CCR3: variants seen among roughly 807,000 people sequenced by gnomAD.
CCR3 encodes the protein C-C chemokine receptor type 3.
For synonymous variants in CCR3, 203 were observed against 179.2 expected (o/e 1.13, Z -1.06); for missense variants, 419 against 437.5 (o/e 0.96, Z 0.38).
chr3:46,244,410 T>C (rs570138346), intron 1 of CCR3, among the ~76,000 whole-genome samples: 167 of 152,334 alleles, frequency 1.1e-3, no homozygotes, highest in African/African-American at 3.8e-3. Flanking sequence ...AAACAGGCTT[T>C]GTGTGAGCAA....
intron 1 of CCR3, among the ~76,000 whole-genome samples, chr3:46,251,171 C>A (rs944199488): frequency 9.2e-5 from 14 of 152,036 alleles, no homozygotes; most frequent in East Asian, 1.9e-4. Flanking sequence ...GGTGAAGGAC[C>A]AAGGCAGGCG....
chr3:46,230,693 T>C (rs1361837000), intron 2 of CCR3, among the ~76,000 whole-genome samples: 1 of 152,126 alleles, frequency 6.6e-6, no homozygotes, highest in East Asian at 1.9e-4. Flanking sequence ...TCTGACGATG[T>C]AAATGCAGCC....
At chr3:46,246,394 G>T (rs1211940059) in intron 1 of CCR3, among the ~76,000 whole-genome samples, 2 of 152,126 alleles carry the variant, frequency 1.3e-5, no homozygotes, top group Non-Finnish European at 2.9e-5. Context: ...GGAGATAAGG[G>T]TGGGGCCGTT....
chr3:46,221,723 G>T (rs915009738), intron 2 of CCR3, among the ~76,000 whole-genome samples: 3 of 152,140 alleles, frequency 2.0e-5, no homozygotes, highest in African/African-American at 7.2e-5. Flanking sequence ...TTTTGAGCTT[G>T]CTTTCCTCCA....
rs72904166 is a variant in CCR3 at position 46,215,132 on chromosome 3, C to A, written c.-68+4225C>A. Among the ~76,000 whole-genome samples, 637 of 152,260 alleles carry A rather than the reference C, an allele frequency of 4.2e-3. 4 individuals are homozygous for A. The highest frequency in any genetic ancestry group is 0.014 in the African/African-American group (597 of 41,540). On this transcript the variant is annotated intron_variant, in intron 2 of 3. Transcript: ENST00000357422. The stretch of plus-strand genomic sequence containing the variant: ...ATGATCCTTGTACTCCAAACCTAAG[C>A]TCCAGACAGTCACATGTGTGTTCCT...
chr3:46,217,535 C>T (rs895499217), intron 2 of CCR3, among the ~76,000 whole-genome samples: 5 of 152,108 alleles, frequency 3.3e-5, no homozygotes, highest in Non-Finnish European at 7.4e-5. Flanking sequence ...GCTCATGGAA[C>T]ATTCTCCAAG....
intron 1 of CCR3, among the ~76,000 whole-genome samples, chr3:46,251,209 C>T (rs1012607552): frequency 2.6e-5 from 4 of 152,102 alleles, no homozygotes; most frequent in East Asian, 1.9e-4. Context: ...ACCCTTGAAA[C>T]GTGGGTGAAT....
intron 1 of CCR3, 69 bp from the exon 2 acceptor site, chr3:46,265,079 C>G (rs1700591641): frequency 1.0e-6 from 1 of 997,000 alleles, no homozygotes; most frequent in Admixed American, 2.3e-5. Flanking sequence ...ATGAATAAAT[C>G]AACTGGTGTG....
chr3:46,264,269 C>G, intron 1 of CCR3: 2 of 742,354 alleles, frequency 2.7e-6, no homozygotes, highest in South Asian at 3.1e-5. Flanking sequence ...CTCAGCATCA[C>G]CAGGGGCAAG....
intron 1 of CCR3, among the ~76,000 whole-genome samples, chr3:46,243,167 T>TA (rs1438881552): frequency 1.3e-5 from 2 of 151,824 alleles, no homozygotes; most frequent in African/African-American, 4.8e-5. Flanking sequence ...CAGTACCCTT[T>TA]AAATACAAGT....
chr3:46,240,166 T>C (rs933598975), upstream of CCR3, among the ~76,000 whole-genome samples: 35 of 152,264 alleles, frequency 2.3e-4, no homozygotes, highest in African/African-American at 7.0e-4. Flanking sequence ...TGCACCACAA[T>C]GGGCCTGCAA....
Position 46,265,885 on chromosome 3 carries a change from G to T in CCR3, c.727G>T (p.Val243Phe). The T allele has an allele frequency of 6.2e-7, 1 of 1,614,062 alleles. No homozygotes were observed. The highest frequency in any genetic ancestry group is 8.5e-7 in the Non-Finnish European group (1 of 1,179,978). Reference sequence around the variant, plus strand: ...GTACAAGGCCATCCGGCTCATTTTTGTCATCATGGCGGTGTTTTTCATTTT... The same window carrying T: ...GTACAAGGCCATCCGGCTCATTTTTTTCATCATGGCGGTGTTTTTCATTTT... The part of the protein sequence containing the change: ...KKYKAIRLIF[V>F]IMAVFFIFWT... Residue 243 changes from valine (V) to phenylalanine (F), a missense_variant, in exon 2 of 2, where the codon GTC becomes TTC. Val to Phe is a conservative substitution (Grantham distance 50). Coordinates refer to ENST00000395940, the MANE Select transcript of CCR3 (RefSeq NM_178329.3).
At chr3:46,248,900 C>T (rs577006849) in intron 1 of CCR3, among the ~76,000 whole-genome samples, 1 of 152,260 alleles carries the variant, frequency 6.6e-6, no homozygotes, top group East Asian at 1.9e-4. Flanking sequence ...TGATAAGGTG[C>T]AGATTCTGAA....
intron 1 of CCR3, among the ~76,000 whole-genome samples, chr3:46,260,740 G>A (rs1700510563): frequency 6.6e-6 from 1 of 152,220 alleles, no homozygotes; most frequent in South Asian, 2.1e-4. Context: ...AACACAACAT[G>A]AGGCAGAGGA....
intron 2 of CCR3, among the ~76,000 whole-genome samples, chr3:46,235,253 G>A (rs2125925772): frequency 6.6e-6 from 1 of 152,276 alleles, no homozygotes; most frequent in African/African-American, 2.4e-5. Context: ...CAGGGGACAG[G>A]GAAGGGCTTC....
chr3:46,263,867 A>C (rs1177540567), intron 1 of CCR3: 1 of 154,066 alleles, frequency 6.5e-6, no homozygotes, highest in Non-Finnish European at 1.4e-5. Context: ...GTATTCGATC[A>C]ATTATTCTAT....
At chr3:46,257,887 G>A (rs1247251019) in intron 1 of CCR3, among the ~76,000 whole-genome samples, 1 of 152,186 alleles carries the variant, frequency 6.6e-6, no homozygotes, top group African/African-American at 2.4e-5. Context: ...TCAGTCCTAG[G>A]CTGAAAGCCA....
intron 2 of CCR3, among the ~76,000 whole-genome samples, chr3:46,222,227 T>C (rs1387468810): frequency 6.6e-6 from 1 of 152,142 alleles, no homozygotes; most frequent in Non-Finnish European, 1.5e-5. Context: ...CCACAGAGTA[T>C]GGCACACCTA....
chr3:46,265,843 T>C lies in CCR3; in HGVS notation c.685T>C (p.Cys229Arg), dbSNP rs1700618721. The C allele has an allele frequency of 6.2e-7, 1 of 1,613,916 alleles. No homozygotes were observed. The highest frequency in any genetic ancestry group is 8.5e-7 in the Non-Finnish European group (1 of 1,179,986). ...YTGIIKTLLR[C>R]PSKKKYKAIR... The stretch of plus-strand genomic sequence containing the variant: ...AGGAATCATCAAAACGCTGCTGAGG[T>C]GCCCCAGTAAAAAAAAGTACAAGGC... The change falls in exon 2 of 2, where the codon TGC becomes CGC. Residue 229 changes from cysteine to arginine, a missense_variant. By Grantham distance (180) the Cys-to-Arg change is radical. Transcript: ENST00000395940.
Sources: gnomAD v4.1 joint callset for allele counts (sites outside exome capture counted in the v4.1 genomes callset) on GRCh38, gnomAD v4.1.1 for gene constraint, MANE v1.5 for transcripts, NCBI Gene and HGNC (gene_info 2026-07-23, HGNC 2026-07-21) for gene names.